SNTG1: variants seen among roughly 807,000 people sequenced by gnomAD.
SNTG1 encodes syntrophin gamma 1.
In SNTG1, 39 loss-of-function variants were observed where a neutral mutation model predicts 74.7. The ratio of observed to expected loss-of-function variants is 0.52; its 90% CI spans 0.40 to 0.68. The LOEUF (loss-of-function observed/expected upper bound fraction) is 0.68. SNTG1 is among the 30% of genes least tolerant of loss of function. The pLI is 0.00. For synonymous variants in SNTG1, 254 were observed against 217.1 expected (o/e 1.17, Z -1.49); for missense variants, 685 against 609.5 (o/e 1.12, Z -1.30).
At chr8:50,372,782 T>C (rs1419723711) in intron 2 of SNTG1, among the ~76,000 whole-genome samples, 5 of 152,082 alleles carry the variant, frequency 3.3e-5, no homozygotes, top group African/African-American at 4.8e-5. Flanking sequence ...GTCTGAATAG[T>C]TGTTTGTCTC....
Position 50,530,186 on chromosome 8 carries a change from G to A in SNTG1, c.476G>A (p.Ser159Asn). The change falls in exon 10 of 19, where the codon AGT becomes AAT. Residue 159 changes from serine (S) to asparagine (N), a missense_variant. Transcript: ENST00000642720. ...PLNEDCACAP[S>N]DQSSGTSSPL... ...ATTTTGTCTCCTGCAGGTGCTCCAA[G>A]TGACCAGAGCAGTGGCACCTCCTCT... 6.2e-7 allele frequency: 1 copy of A among 1,613,716 alleles called. No homozygotes were observed. Among genetic ancestry groups the A allele is most frequent in the Non-Finnish European group, 8.5e-7 (1 of 1,179,730 alleles).
intron 18 of SNTG1, among the ~76,000 whole-genome samples, chr8:50,774,800 T>C (rs1006449300): frequency 6.6e-6 from 1 of 151,570 alleles, no homozygotes; most frequent in South Asian, 2.1e-4. Context: ...TGTATGACAA[T>C]AATAACCCAA....
chr8:50,454,250 A>G (rs1168284243), intron 8 of SNTG1, among the ~76,000 whole-genome samples: 2 of 152,084 alleles, frequency 1.3e-5, no homozygotes, highest in Non-Finnish European at 2.9e-5. Flanking sequence ...TAATCCCAGC[A>G]CTTTGGGAGG....
intron 12 of SNTG1, among the ~76,000 whole-genome samples, chr8:50,587,495 C>G (rs990915597): frequency 6.6e-6 from 1 of 152,208 alleles, no homozygotes; most frequent in Non-Finnish European, 1.5e-5. Context: ...TTTATACTCT[C>G]TGTGTGTGTA....
At position 50,633,759 on chromosome 8, in the gene SNTG1, T is replaced by C. The variant is rs572851941; in HGVS notation, c.850-23150T>C. Among the ~76,000 whole-genome samples, 15 of 152,320 alleles carry C rather than the reference T, an allele frequency of 9.8e-5. No homozygotes were observed. The South Asian group carries it at 3.1e-3, about 32-fold the overall frequency. On this transcript the variant is annotated intron_variant, in intron 13 of 18. Transcript: ENST00000642720. ...GGCGCTGAAACAGGTACCCATGTTATCATCTTCCTATTCCTATGGGGTGAG... is the reference window on the plus strand; with the variant it reads ...GGCGCTGAAACAGGTACCCATGTTACCATCTTCCTATTCCTATGGGGTGAG...
chr8:50,580,377 G>A (rs961876467), intron 12 of SNTG1, among the ~76,000 whole-genome samples: 2 of 152,160 alleles, frequency 1.3e-5, no homozygotes, highest in East Asian at 3.9e-4. Flanking sequence ...AGTTAATGCT[G>A]GAATGAGTTA....
intron 4 of SNTG1, among the ~76,000 whole-genome samples, chr8:50,424,592 C>A (rs1286394131): frequency 6.6e-6 from 1 of 152,136 alleles, no homozygotes; most frequent in Non-Finnish European, 1.5e-5. Context: ...GGACTCAGGG[C>A]AACAGCTGTG....
rs536433457 is a variant in SNTG1 at position 50,232,947 on chromosome 8, G to A, written c.-28+60312G>A. Among the ~76,000 whole-genome samples the A allele has an allele frequency of 3.3e-5, 5 of 151,598 alleles. No homozygotes were observed. The East Asian group carries it at 5.8e-4, about 18-fold the overall frequency. ...AAAAATGTAAATAAAGTCATACTGT[G>A]TTCATGGATTATAACACTCAAAATA... On this transcript the variant is annotated intron_variant, in intron 2 of 18. Coordinates refer to ENST00000642720, the MANE Select transcript of SNTG1 (RefSeq NM_018967.5).
At chr8:50,297,072 G>T (rs959363795) in intron 2 of SNTG1, among the ~76,000 whole-genome samples, 1 of 152,070 alleles carries the variant, frequency 6.6e-6, no homozygotes, top group Non-Finnish European at 1.5e-5. Context: ...ATATTTTCAT[G>T]GTCTTTAATT....
intron 5 of SNTG1, among the ~76,000 whole-genome samples, chr8:50,449,158 C>T (rs765785176): frequency 5.7e-4 from 86 of 152,204 alleles, no homozygotes; most frequent in Non-Finnish European, 1.1e-3. Context: ...GAATTCAATA[C>T]TAAGGAAGGA....
intron 9 of SNTG1, among the ~76,000 whole-genome samples, chr8:50,504,646 C>CAAA (rs1563489252): frequency 2.0e-5 from 3 of 152,038 alleles, no homozygotes; most frequent in South Asian, 4.2e-4. Context: ...ACAAAAAAAC[C>CAAA]CCAAAATAGC....
chr8:49,928,837 G>A (rs1015729345), intron 1 of SNTG1, among the ~76,000 whole-genome samples: 1 of 151,826 alleles, frequency 6.6e-6, no homozygotes, highest in African/African-American at 2.4e-5. Context: ...TGATTGTTTA[G>A]GACATGCATA....
intron 1 of SNTG1, among the ~76,000 whole-genome samples, chr8:49,926,712 A>G (rs964818560): frequency 6.6e-6 from 1 of 152,214 alleles, no homozygotes; most frequent in African/African-American, 2.4e-5. Context: ...CATCAAAGGC[A>G]TAATCTTTCA....
chr8:50,635,424 A>G (rs948063949), intron 13 of SNTG1, among the ~76,000 whole-genome samples: 3 of 152,134 alleles, frequency 2.0e-5, no homozygotes, highest in Non-Finnish European at 2.9e-5. Context: ...GATTTCCAGG[A>G]GCCAGGGCCT....
At chr8:49,969,027 T>A (rs1237153371) in intron 1 of SNTG1, among the ~76,000 whole-genome samples, 1 of 152,116 alleles carries the variant, frequency 6.6e-6, no homozygotes, top group Non-Finnish European at 1.5e-5. Flanking sequence ...TTTTTGAGCT[T>A]TGGAAATATT....
intron 1 of SNTG1, among the ~76,000 whole-genome samples, chr8:50,126,221 C>T (rs530073473): frequency 6.6e-6 from 1 of 152,148 alleles, no homozygotes; most frequent in African/African-American, 2.4e-5. Flanking sequence ...GAAAGGGCCA[C>T]GTGACTAAAT....
At chr8:50,734,992 C>A (rs2095524593) in intron 17 of SNTG1, among the ~76,000 whole-genome samples, 1 of 143,252 alleles carries the variant, frequency 7.0e-6, no homozygotes, top group Admixed American at 7.1e-5. Context: ...TATATATGTC[C>A]ATATATATAT....
chr8:50,384,496 G>A lies in SNTG1; in HGVS notation c.-27-9716G>A, dbSNP rs1312021021. Among the ~76,000 whole-genome samples, 3 of 152,288 alleles carry A rather than the reference G, an allele frequency of 2.0e-5. No individual in the cohort carries two copies. The East Asian group carries it at 5.8e-4, about 29-fold the overall frequency. ...ATGCTGACCTTTCCATGATGTAAGT[G>A]TGGCCCAATACAATAAACCTGCCAT... On this transcript the variant is annotated intron_variant, in intron 2 of 18. Transcript: ENST00000642720.
At chr8:50,409,814 GCTAT>G (rs566839998) in intron 4 of SNTG1, among the ~76,000 whole-genome samples, 268 of 152,280 alleles carry the variant, frequency 1.8e-3, no homozygotes, top group African/African-American at 5.8e-3. Context: ...ATACAAGATG[GCTAT>G]CTATTTCCCC....
Sources: allele counts gnomAD v4.1 joint callset (sites outside exome capture counted in the v4.1 genomes callset), GRCh38; gene constraint gnomAD v4.1.1; transcripts MANE v1.5; gene names NCBI Gene and HGNC (gene_info 2026-07-23, HGNC 2026-07-21).